Variants in IGF1R observed in about 807,000 individuals in gnomAD.
The protein encoded by IGF1R is insulin-like growth factor 1 receptor.
In IGF1R, 44 loss-of-function variants were observed where a neutral mutation model predicts 144.6. That is an observed-to-expected ratio of 0.30 (90% CI 0.24 to 0.39). The LOEUF is 0.39. Among genes scored for constraint, IGF1R ranks in the 10% least tolerant of loss-of-function variants. IGF1R has a pLI of 1.00. For missense variants in IGF1R, 1,355 were observed against 1,833.7 expected (o/e 0.74, Z 4.77); for synonymous variants, 795 against 722.8 (o/e 1.10, Z -1.60).
intron 2 of IGF1R, among the ~76,000 whole-genome samples, chr15:98,773,043 C>T (rs943260554): frequency 2.0e-5 from 3 of 152,158 alleles, no homozygotes; most frequent in Non-Finnish European, 4.4e-5. Flanking sequence ...GAGTTAACTA[C>T]TGGTGATGAT....
At chr15:98,713,213 A>G (rs954554631) in intron 2 of IGF1R, among the ~76,000 whole-genome samples, 3 of 152,062 alleles carry the variant, frequency 2.0e-5, no homozygotes, top group African/African-American at 7.2e-5. Context: ...CTGATGGGAC[A>G]CTTTTTGCCC....
In IGF1R at chr15:98,931,642, C is replaced by T. The variant is rs550166024; in HGVS notation, c.2956+1337C>T. 7.9e-5 allele frequency among the ~76,000 whole-genome samples: 12 copies of T among 151,264 alleles called. No individual in the cohort carries two copies. In the East Asian group the frequency reaches 9.7e-4, roughly 12 times the overall value. ...TATAAGGCAGAGAGAACATTCTGGACGGATGCACACCACACTTACAAGAGT... is the reference window on the plus strand; with the variant it reads ...TATAAGGCAGAGAGAACATTCTGGATGGATGCACACCACACTTACAAGAGT... On this transcript the variant is annotated intron_variant, in intron 15 of 20. Transcript: ENST00000650285.
chr15:98,876,747 T>C (rs1345156126), intron 2 of IGF1R, among the ~76,000 whole-genome samples: 1 of 152,222 alleles, frequency 6.6e-6, no homozygotes, highest in Non-Finnish European at 1.5e-5. Context: ...GGGAGTGTTC[T>C]TTGGTACAGT....
chr15:98,652,945 T>C (rs527664003), intron 1 of IGF1R, among the ~76,000 whole-genome samples: 1 of 152,140 alleles, frequency 6.6e-6, no homozygotes, highest in East Asian at 1.9e-4. Context: ...TTTTTTTTTT[T>C]TTTAAAGAAA....
At chr15:98,825,183 A>G (rs555773563) in intron 2 of IGF1R, among the ~76,000 whole-genome samples, 28 of 148,006 alleles carry the variant, frequency 1.9e-4, no homozygotes, top group African/African-American at 7.4e-4. Flanking sequence ...TTAGAAGACC[A>G]TATACAGTGG....
intron 2 of IGF1R, among the ~76,000 whole-genome samples, chr15:98,875,348 TC>T (rs1046113528): frequency 7.7e-6 from 1 of 130,506 alleles, no homozygotes; most frequent in Non-Finnish European, 1.6e-5. Context: ...TCTTTTCTTT[TC>T]TTTTTTTTTT....
chr15:98,824,723 T>C (rs2715431), intron 2 of IGF1R, among the ~76,000 whole-genome samples: 17,146 of 152,270 alleles, frequency 0.11, 2,182 homozygotes, highest in African/African-American at 0.31. Flanking sequence ...GATCATCACT[T>C]ACTAGCTAAC....
intron 1 of IGF1R, among the ~76,000 whole-genome samples, chr15:98,651,793 C>T (rs546349651): frequency 4.6e-5 from 7 of 152,304 alleles, no homozygotes; most frequent in African/African-American, 1.7e-4. Flanking sequence ...TCCTGGAAAC[C>T]TGATGGGTGG....
intron 9 of IGF1R, 146 bp from the exon 10 acceptor site, chr15:98,916,526 T>G: frequency 1.3e-6 from 1 of 783,954 alleles, no homozygotes; most frequent in South Asian, 1.5e-5. Flanking sequence ...CCTCCCAAAG[T>G]GCTGGGATTA....
At chr15:98,814,414 C>A (rs977131125) in intron 2 of IGF1R, among the ~76,000 whole-genome samples, 13 of 152,102 alleles carry the variant, frequency 8.5e-5, no homozygotes, top group African/African-American at 3.1e-4. Context: ...GCAGTGGCAC[C>A]ATCATAGCTC....
At chr15:98,955,097 C>A (rs2016926975) in intron 20 of IGF1R, among the ~76,000 whole-genome samples, 1 of 152,114 alleles carries the variant, frequency 6.6e-6, no homozygotes, top group Non-Finnish European at 1.5e-5. Context: ...GCTTCTGTTC[C>A]CTCATCTGTA....
At chr15:98,788,054 C>CTG (rs771505030) in intron 2 of IGF1R, among the ~76,000 whole-genome samples, 5,571 of 142,022 alleles carry the variant, frequency 0.039, 131 homozygotes, top group Middle Eastern at 0.086. Context: ...CTCTCTCTCT[C>CTG]TCTCTCTCTG....
chr15:98,959,895 AATTT>A lies in IGF1R; in HGVS notation c.*2458_*2461del. Reference sequence around the variant, plus strand: ...GTATTATATGTAGGAGTTTTCTTTTAATTTATTTTGTGATAAATTACCAGTTTCA... The same window carrying A: ...GTATTATATGTAGGAGTTTTCTTTTAATTTTGTGATAAATTACCAGTTTCA... On this transcript the variant is annotated 3_prime_UTR_variant, in exon 21 of 21. Transcript: ENST00000650285. The A allele has an allele frequency of 4.3e-6, 1 of 231,640 alleles. No individual in the cohort carries two copies. Among genetic ancestry groups the A allele is most frequent in the East Asian group, 6.0e-5 (1 of 16,536 alleles). The allele number at this position is 231,640 out of a possible 1,614,324, so 14.3% of individuals were successfully genotyped here. A position where few individuals can be genotyped will look rare whatever the true frequency, so the allele number is the denominator to read the frequency against.
At chr15:98,832,043 G>A (rs118089127) in intron 2 of IGF1R, among the ~76,000 whole-genome samples, 2,340 of 152,206 alleles carry the variant, frequency 0.015, 23 homozygotes, top group Middle Eastern at 0.027. Context: ...GCCATGTTTG[G>A]GACGCCTCAA....
intron 14 of IGF1R, 142 bp downstream of exon 14, chr15:98,929,802 A>G (rs1169739240): frequency 4.1e-6 from 3 of 723,064 alleles, no homozygotes; most frequent in South Asian, 3.1e-5. Context: ...ATGTTCTTCC[A>G]GGAAAAGAGA....
At chr15:98,829,387 G>GGTT (rs2056960688) in intron 2 of IGF1R, among the ~76,000 whole-genome samples, 1 of 151,460 alleles carries the variant, frequency 6.6e-6, no homozygotes, top group Non-Finnish European at 1.5e-5. Flanking sequence ...AAAAACTTGA[G>GGTT]GTTTGGTTTC....
At position 98,761,252 on chromosome 15, in the gene IGF1R, G is replaced by A. The variant is rs533843050; in HGVS notation, c.640+53145G>A. On this transcript the variant is annotated intron_variant, in intron 2 of 20. Coordinates refer to ENST00000650285, the MANE Select transcript of IGF1R (RefSeq NM_000875.5). ...CTGGCGTTGTCTCTGATGGCTTGGG[G>A]TGTCACAGAGACATGACAGTACTGT... Among the ~76,000 whole-genome samples the A allele has an allele frequency of 6.6e-5, 10 of 152,340 alleles. 1 individual carries two copies. In the South Asian group the frequency reaches 1.5e-3, roughly 22 times the overall value.
intron 3 of IGF1R, among the ~76,000 whole-genome samples, chr15:98,895,204 G>A (rs1032935937): frequency 1.5e-4 from 22 of 147,226 alleles, no homozygotes; most frequent in Admixed American, 2.7e-4. Context: ...ATCTACACAA[G>A]TGATCAGTGA....
At chr15:98,840,769 A>G (rs1491003525) in intron 2 of IGF1R, among the ~76,000 whole-genome samples, 5 of 146,822 alleles carry the variant, frequency 3.4e-5, no homozygotes, top group Non-Finnish European at 7.4e-5. Flanking sequence ...TCTCCCTCCC[A>G]GGTTCCAGCA....
Sources: gnomAD v4.1 joint callset for allele counts (sites outside exome capture counted in the v4.1 genomes callset) on GRCh38, gnomAD v4.1.1 for gene constraint, MANE v1.5 for transcripts, NCBI Gene and HGNC (gene_info 2026-07-23, HGNC 2026-07-21) for gene names.